ESR1: variants seen among roughly 807,000 people sequenced by gnomAD.
ESR1 encodes the protein estrogen receptor 1.
ESR1 carries 12 observed loss-of-function variants against 52.7 expected under a neutral mutation model. That is an observed-to-expected ratio of 0.23 (90% confidence interval 0.15 to 0.37). ESR1 has a LOEUF of 0.37. ESR1 is among the 10% of genes least tolerant of loss of function. The pLI is 1.00. For synonymous variants in ESR1, 305 were observed against 316.8 expected (o/e 0.96, Z 0.39); for missense variants, 584 against 779.7 (o/e 0.75, Z 2.99).
At chr6:152,035,478 G>A (rs543505076) in intron 5 of ESR1, among the ~76,000 whole-genome samples, 3 of 152,084 alleles carry the variant, frequency 2.0e-5, no homozygotes, top group Non-Finnish European at 4.4e-5. Flanking sequence ...TGGTTAGGAA[G>A]ATTCACTATT....
chr6:151,817,102 A>C (rs567190141), intron 1 of ESR1, among the ~76,000 whole-genome samples: 1 of 152,296 alleles, frequency 6.6e-6, no homozygotes, highest in African/African-American at 2.4e-5. Context: ...AGGAGTTGGA[A>C]GCTCATACTT....
At chr6:151,849,831 C>T (rs1785961116) in intron 2 of ESR1, among the ~76,000 whole-genome samples, 2 of 150,280 alleles carry the variant, frequency 1.3e-5, no homozygotes, top group South Asian at 2.1e-4. Context: ...ATTGAGTAAG[C>T]CAGCTTTGAG....
chr6:151,760,181 C>T (rs1784569103), intron 2 of ESR1, among the ~76,000 whole-genome samples: 1 of 152,184 alleles, frequency 6.6e-6, no homozygotes, highest in South Asian at 2.1e-4. Context: ...TTCTTCAGGG[C>T]TCTCTTTGGT....
chr6:151,748,308 G>A (rs117017691), intron 2 of ESR1, among the ~76,000 whole-genome samples: 2,935 of 152,160 alleles, frequency 0.019, 38 homozygotes, highest in East Asian at 0.033. Flanking sequence ...CACATATGAC[G>A]TATCCCTAGA....
chr6:151,700,668 CTTT>C (rs34905961), intron 1 of ESR1, among the ~76,000 whole-genome samples: 38,337 of 116,536 alleles, frequency 0.33, 3,380 homozygotes, highest in Non-Finnish European at 0.36. Context: ...TTAAACTTTC[CTTT>C]TTTTTTTTTT....
At chr6:152,127,155 G>A (rs1463406088) in exon 7 of ESR1, 4 of 152,090 alleles carry the variant, frequency 2.6e-5, no homozygotes, top group Non-Finnish European at 1.5e-5. Context: ...GCAGCCTGTG[G>A]TGGCCTCAGC....
chr6:151,944,506 C>T lies in ESR1; in HGVS notation c.1094C>T (p.Pro365Leu), dbSNP rs2128529774. 1 of 1,614,044 alleles carries T rather than the reference C, an allele frequency of 6.2e-7. No individual in the cohort carries two copies. The highest frequency in any genetic ancestry group is 8.5e-7 in the Non-Finnish European group (1 of 1,179,926). ...VHMINWAKRV[P>L]GFVDLTLHDQ... ...ATGATCAACTGGGCGAAGAGGGTGC[C>T]AGGTAAGAATGCGAAGCGCAGCTTT... The change falls in exon 4 of 8, where the codon CCA (proline) becomes CTA (leucine). Residue 365 changes from proline (P) to leucine (L), a missense_variant and splice_region_variant. Pro to Leu is a moderately conservative substitution (Grantham distance 98). Coordinates refer to ENST00000206249, the MANE Select transcript of ESR1 (RefSeq NM_000125.4).
At chr6:151,680,770 C>T (rs1778428939) in intron 1 of ESR1, among the ~76,000 whole-genome samples, 1 of 152,138 alleles carries the variant, frequency 6.6e-6, no homozygotes, top group Admixed American at 6.6e-5. Context: ...ATCTTTGTCT[C>T]TTTTGTTTAC....
chr6:152,115,135 A>G (rs1389180903), intron 6 of ESR1, among the ~76,000 whole-genome samples: 1 of 152,112 alleles, frequency 6.6e-6, no homozygotes, highest in Non-Finnish European at 1.5e-5. Context: ...GCTTCATGCC[A>G]TTACTATATA....
At chr6:151,718,807 T>C (rs1274935241) in intron 2 of ESR1, among the ~76,000 whole-genome samples, 1 of 152,196 alleles carries the variant, frequency 6.6e-6, no homozygotes, top group Non-Finnish European at 1.5e-5. Context: ...TCAACTTTGT[T>C]CTCCCTGTTT....
At position 151,955,647 on chromosome 6, in the gene ESR1, T is replaced by C. The variant is rs546986393; in HGVS notation, c.1096+11139T>C. Among the ~76,000 whole-genome samples, 8 of 151,608 alleles carry C rather than the reference T, an allele frequency of 5.3e-5. No individual in the cohort carries two copies. The East Asian group carries it at 9.6e-4, about 18-fold the overall frequency. ...TACTTGCGGCTCTGACAGCATCTGA[T>C]AATAATAGTACAAACAGTTTCATTT... On this transcript the variant is annotated intron_variant, in intron 4 of 7. Coordinates refer to ENST00000206249, the MANE Select transcript of ESR1 (RefSeq NM_000125.4).
chr6:151,997,723 A>G (rs1009473781), intron 4 of ESR1, among the ~76,000 whole-genome samples: 2 of 152,162 alleles, frequency 1.3e-5, no homozygotes, highest in African/African-American at 4.8e-5. Flanking sequence ...GGAAAAAGTT[A>G]TCTGAAATTT....
intron 2 of ESR1, chr6:151,702,067 A>C (rs1318830342): frequency 6.6e-6 from 1 of 152,210 alleles, no homozygotes; most frequent in African/African-American, 2.4e-5. Context: ...AATTGATAAG[A>C]TCTAATTTGG....
chr6:152,044,011 C>T (rs2046021263), intron 5 of ESR1, among the ~76,000 whole-genome samples: 1 of 152,176 alleles, frequency 6.6e-6, no homozygotes, highest in African/African-American at 2.4e-5. Flanking sequence ...GAATGTGGTT[C>T]TGGAGCTGGG....
chr6:151,870,920 C>T (rs945253860), intron 2 of ESR1, among the ~76,000 whole-genome samples: 9 of 151,982 alleles, frequency 5.9e-5, no homozygotes, highest in African/African-American at 2.2e-4. Context: ...GGCACAACCA[C>T]AGCTCAGGGC....
rs6912516 is a variant in ESR1 at position 151,792,986 on chromosome 6, C to A, written c.-70-14857C>A. 2.6e-5 allele frequency among the ~76,000 whole-genome samples: 4 copies of A among 151,648 alleles called. No homozygotes were observed. The South Asian group carries it at 6.2e-4, about 24-fold the overall frequency. On this transcript the variant is annotated intron_variant, in intron 2 of 2. Coordinates refer to the ESR1 transcript ENST00000404742. ...GAGATCGAGACCATCCTGGCTAACA[C>A]GGTGAAACCCTGTCTCTACTAAAAA...
At chr6:152,051,210 A>G (rs1031084524) in intron 5 of ESR1, among the ~76,000 whole-genome samples, 4 of 152,084 alleles carry the variant, frequency 2.6e-5, no homozygotes, top group Non-Finnish European at 4.4e-5. Context: ...TTTCATACTA[A>G]GCCCCATAAT....
At chr6:152,095,724 A>G (rs560440407) in intron 7 of ESR1, among the ~76,000 whole-genome samples, 1 of 152,286 alleles carries the variant, frequency 6.6e-6, no homozygotes, top group Admixed American at 6.5e-5. Context: ...TGCAGGAAGC[A>G]TCTCCTAATC....
chr6:152,009,480 C>G (rs2042597036), intron 4 of ESR1, among the ~76,000 whole-genome samples: 1 of 152,066 alleles, frequency 6.6e-6, no homozygotes, highest in Non-Finnish European at 1.5e-5. Context: ...GATGTGCAAC[C>G]TTATTAGTCA....
Sources: gnomAD v4.1 joint callset for allele counts (sites outside exome capture counted in the v4.1 genomes callset) on GRCh38, gnomAD v4.1.1 for gene constraint, MANE v1.5 for transcripts, NCBI Gene and HGNC (gene_info 2026-07-23, HGNC 2026-07-21) for gene names.